The following HPSE2 variants were observed in gnomAD, a reference collection of about 807,000 sequenced individuals.
HPSE2 encodes heparanase 2 (inactive).
HPSE2 carries 38 observed loss-of-function variants against 60.5 expected under a neutral mutation model. That is an observed-to-expected ratio of 0.63 (90% CI 0.48 to 0.82). The LOEUF (loss-of-function observed/expected upper bound fraction) is 0.82, where lower values mean the gene tolerates loss of function less well. Ranked by LOEUF, HPSE2 falls within the 40% of genes least tolerant of loss-of-function variation. HPSE2 has a pLI of 0.00. For missense variants in HPSE2, 713 were observed against 740.4 expected, an observed-to-expected ratio of 0.96 and a Z score of 0.43; for synonymous variants, 295 against 293.2, an observed-to-expected ratio of 1.01 and a Z score of -0.06.
intron 3 of HPSE2, among the ~76,000 whole-genome samples, chr10:98,753,506 C>T (rs1229088979): frequency 2.0e-5 from 3 of 152,260 alleles, no homozygotes; most frequent in South Asian, 2.1e-4. Flanking sequence ...CTCAAGTGTC[C>T]ATTACTAATA....
At chr10:99,015,820 AAAAT>A (rs1166865910) in intron 3 of HPSE2, among the ~76,000 whole-genome samples, 1 of 152,176 alleles carries the variant, frequency 6.6e-6, no homozygotes, top group African/African-American at 2.4e-5. Flanking sequence ...AAGTATAATT[AAAAT>A]AAATAAATAG....
At chr10:98,782,976 C>T (rs1445713601) in intron 3 of HPSE2, among the ~76,000 whole-genome samples, 1 of 111,900 alleles carries the variant, frequency 8.9e-6, no homozygotes, top group Non-Finnish European at 1.8e-5. Context: ...TTTTAGGGAA[C>T]ATGTGCACAT....
At chr10:98,772,070 C>A (rs1434594377) in intron 3 of HPSE2, among the ~76,000 whole-genome samples, 1 of 152,058 alleles carries the variant, frequency 6.6e-6, no homozygotes, top group African/African-American at 2.4e-5. Flanking sequence ...TTGGACTGGG[C>A]AATAACCGTA....
intron 3 of HPSE2, among the ~76,000 whole-genome samples, chr10:98,771,344 G>T (rs1950236577): frequency 6.6e-6 from 1 of 152,154 alleles, no homozygotes; most frequent in Non-Finnish European, 1.5e-5. Context: ...CATTTAGATG[G>T]ATTTCAGCTC....
At chr10:99,115,705 T>C (rs1450008039) in intron 3 of HPSE2, among the ~76,000 whole-genome samples, 1 of 152,194 alleles carries the variant, frequency 6.6e-6, no homozygotes, top group Non-Finnish European at 1.5e-5. Context: ...TGATCATATG[T>C]ATAAAATACA....
intron 3 of HPSE2, among the ~76,000 whole-genome samples, chr10:98,854,929 C>T (rs1309991588): frequency 6.6e-6 from 1 of 152,276 alleles, no homozygotes; most frequent in Admixed American, 6.5e-5. Context: ...TGTTAACTCA[C>T]TGGAGTTTTG....
intron 3 of HPSE2, among the ~76,000 whole-genome samples, chr10:98,836,471 G>T (rs2134673341): frequency 6.6e-6 from 1 of 152,238 alleles, no homozygotes; most frequent in South Asian, 2.1e-4. Context: ...ACAAAAAGTA[G>T]GTTCTCAGGA....
chr10:99,080,715 A>T (rs960409514), intron 3 of HPSE2, among the ~76,000 whole-genome samples: 1 of 152,238 alleles, frequency 6.6e-6, no homozygotes. Context: ...GTCAGAAGCC[A>T]TCATTCAAGT....
intron 3 of HPSE2, among the ~76,000 whole-genome samples, chr10:98,793,356 A>C (rs929821908): frequency 6.6e-6 from 1 of 152,192 alleles, no homozygotes; most frequent in Non-Finnish European, 1.5e-5. Context: ...TATTGAATTA[A>C]ATAAATTTTT....
chr10:98,774,991 T>TCA (rs1950310480), intron 3 of HPSE2, among the ~76,000 whole-genome samples: 1 of 152,222 alleles, frequency 6.6e-6, no homozygotes, highest in Admixed American at 6.5e-5. Flanking sequence ...GACCTAGGCT[T>TCA]CAACCTGTGG....
chr10:98,899,514 T>C (rs993609972), intron 3 of HPSE2, among the ~76,000 whole-genome samples: 1 of 152,124 alleles, frequency 6.6e-6, no homozygotes, highest in Non-Finnish European at 1.5e-5. Context: ...GATTTGAACC[T>C]ATACTTCACC....
intron 3 of HPSE2, among the ~76,000 whole-genome samples, chr10:98,915,655 C>G (rs1411267175): frequency 1.3e-5 from 2 of 152,176 alleles, no homozygotes; most frequent in Non-Finnish European, 2.9e-5. Flanking sequence ...AGTCTCTGGT[C>G]TTTTCTGTGC....
intron 3 of HPSE2, among the ~76,000 whole-genome samples, chr10:98,896,689 A>G (rs1159086047): frequency 6.6e-6 from 1 of 152,170 alleles, no homozygotes; most frequent in African/African-American, 2.4e-5. Flanking sequence ...GCAACAGGGA[A>G]AAACAATGGA....
intron 3 of HPSE2, among the ~76,000 whole-genome samples, chr10:99,135,043 CA>C (rs369986847): frequency 2.0e-5 from 3 of 147,522 alleles, no homozygotes; most frequent in East Asian, 2.0e-4. Flanking sequence ...AAATGGAAAG[CA>C]AAAAAAAACA....
At chr10:98,532,710 G>A (rs1317222349) in intron 9 of HPSE2, among the ~76,000 whole-genome samples, 1 of 152,146 alleles carries the variant, frequency 6.6e-6, no homozygotes, top group African/African-American at 2.4e-5. Flanking sequence ...TAAAGGAGTA[G>A]GAGAAGATGG....
chr10:98,579,199 T>C (rs1011669209), intron 9 of HPSE2, among the ~76,000 whole-genome samples: 37 of 152,274 alleles, frequency 2.4e-4, no homozygotes, highest in Admixed American at 2.3e-3. Context: ...AAGAAGGATA[T>C]GTCTATTTGA....
At chr10:99,085,842 A>G (rs1843297705) in intron 3 of HPSE2, among the ~76,000 whole-genome samples, 1 of 152,188 alleles carries the variant, frequency 6.6e-6, no homozygotes, top group Non-Finnish European at 1.5e-5. Flanking sequence ...CCTATTCAAT[A>G]TAACTTATGT....
intron 6 of HPSE2, among the ~76,000 whole-genome samples, chr10:98,681,062 C>T (rs1947774762): frequency 8.8e-6 from 1 of 113,944 alleles, no homozygotes; most frequent in African/African-American, 3.1e-5. Context: ...CCATGCCTGT[C>T]CCTGAATTGG....
intron 9 of HPSE2, among the ~76,000 whole-genome samples, chr10:98,520,871 CA>C (rs1942768675): frequency 1.3e-5 from 2 of 152,018 alleles, no homozygotes; most frequent in South Asian, 4.2e-4. Flanking sequence ...ACAAACCTGA[CA>C]AAAACAAGAA....
Sources: gnomAD v4.1 joint callset for allele counts (sites outside exome capture counted in the v4.1 genomes callset) on GRCh38, gnomAD v4.1.1 for gene constraint, MANE v1.5 for transcripts, NCBI Gene and HGNC (gene_info 2026-07-23, HGNC 2026-07-21) for gene names.